The following PNPLA7 variants were observed in gnomAD, a reference collection of about 807,000 sequenced individuals.
The protein encoded by PNPLA7 is patatin-like phospholipase domain-containing protein 7.
In PNPLA7, 153 loss-of-function variants were observed where a neutral mutation model predicts 161.7. The ratio of observed to expected loss-of-function variants is 0.95; its 90% CI spans 0.83 to 1.08. The LOEUF (loss-of-function observed/expected upper bound fraction) is 1.08, where lower values mean the gene tolerates loss of function less well. Among genes scored for constraint, PNPLA7 ranks in the 50% least tolerant of loss-of-function variants. PNPLA7 has a pLI of 0.00. For synonymous variants in PNPLA7, 809 were observed against 782.1 expected (o/e 1.03, Z -0.57); for missense variants, 1,739 against 1,856.6 (o/e 0.94, Z 1.16).
chr9:137,544,228 C>G (rs972552997), intron 4 of PNPLA7, among the ~76,000 whole-genome samples: 4 of 152,268 alleles, frequency 2.6e-5, no homozygotes, highest in African/African-American at 9.6e-5. Context: ...ACTGCCCACT[C>G]TGTCCCATAT....
chr9:137,500,649 G>C lies in PNPLA7; in HGVS notation c.1757+42C>G, dbSNP rs773957091. The C allele has an allele frequency of 6.3e-7, 1 of 1,584,954 alleles. No homozygotes were observed. Among genetic ancestry groups the C allele is most frequent in the East Asian group, 2.3e-5 (1 of 44,398 alleles). ...CGCGGGGAGGGGTCTCAGGGCAGGG[G>C]GGGCTGGGGCCCGCCCTGAGGTCCT... is the stretch of plus-strand genomic sequence containing the variant. On this transcript the variant is annotated intron_variant, in intron 16 of 34. Coordinates refer to ENST00000406427, the MANE Select transcript of PNPLA7 (RefSeq NM_001098537.3). The surrounding 1 kb of genome is among the most constrained non-coding windows in gnomAD (Gnocchi z 5.5).
chr9:137,527,792 C>T (rs1168964466), intron 8 of PNPLA7, among the ~76,000 whole-genome samples: 1 of 152,208 alleles, frequency 6.6e-6, no homozygotes, highest in Non-Finnish European at 1.5e-5. Context: ...CCCTCTTCTA[C>T]TTTTCCGGAG....
In PNPLA7 at chr9:137,499,018, G is replaced by A. The variant is rs1056961885; in HGVS notation, c.1758-773C>T. 3.3e-5 allele frequency among the ~76,000 whole-genome samples: 5 copies of A among 152,130 alleles called. No individual in the cohort carries two copies. The highest frequency in any genetic ancestry group is 1.5e-5 in the Non-Finnish European group (1 of 68,004). On this transcript the variant is annotated intron_variant, in intron 16 of 34. Coordinates refer to ENST00000406427, the MANE Select transcript of PNPLA7 (RefSeq NM_001098537.3). The surrounding 1 kb of genome is among the most constrained non-coding windows in gnomAD (Gnocchi z 5.5). ...ACAGTGGCTGGGTGAGGGCGTGAAG[G>A]GCGTGAGCGTGGCACTTAGAGCCCT...
In PNPLA7 at chr9:137,467,439, C is replaced by T. The variant is rs1429822651; in HGVS notation, c.2917G>A (p.Ala973Thr). ...CAQVGVLKAL[A>T]ECGIPVDMVG... is the part of the protein sequence containing the mutation. ...ATGTCCACAGGGATGCCGCACTCCGCCAAGGCCTTGAGAACGCCCACCTGG... is the reference window on the plus strand; with the variant it reads ...ATGTCCACAGGGATGCCGCACTCCGTCAAGGCCTTGAGAACGCCCACCTGG... Residue 973 changes from alanine (A) to threonine (T), a missense_variant, in exon 26 of 35, where the codon GCG (alanine) becomes ACG (threonine). By Grantham distance (58) the Ala-to-Thr change is moderately conservative. Coordinates refer to ENST00000406427, the MANE Select transcript of PNPLA7 (RefSeq NM_001098537.3). This position sits in a 1 kb window ranked among gnomAD's most constrained non-coding sequence, Gnocchi z 5.1. The T allele has an allele frequency of 1.2e-6, 2 of 1,613,266 alleles. No individual in the cohort carries two copies. Among genetic ancestry groups the T allele is most frequent in the South Asian group, 1.1e-5 (1 of 91,086 alleles).
chr9:137,520,022 C>A lies in PNPLA7; in HGVS notation c.979G>T (p.Val327Leu), dbSNP rs202132890. ...FNAESQAIPL[V>L]SVASVAAGKA... ...CCGGCAGCCACACTGGCTACAGACA[C>A]GAGAGGGATGGCCTGGCTCTCCTGG... The change falls in exon 11 of 35, where the codon GTG (valine) becomes TTG (leucine). Residue 327 changes from valine to leucine, a missense_variant. Transcript: ENST00000406427. This position sits in a 1 kb window ranked among gnomAD's most constrained non-coding sequence, Gnocchi z 5.2. 1 of 1,612,618 alleles carries A rather than the reference C, an allele frequency of 6.2e-7. No individual in the cohort carries two copies. The highest frequency in any genetic ancestry group is 2.2e-5 in the East Asian group (1 of 44,886).
chr9:137,503,777 A>AAT (rs1833671648), intron 14 of PNPLA7, among the ~76,000 whole-genome samples: 2 of 2,194 alleles, frequency 9.1e-4, no homozygotes, highest in African/African-American at 4.9e-3. Flanking sequence ...AAGAAGAAAA[A>AAT]AGAAAGAAGA....
At chr9:137,508,593 A>C (rs1434426916) in intron 12 of PNPLA7, among the ~76,000 whole-genome samples, 1 of 152,166 alleles carries the variant, frequency 6.6e-6, no homozygotes, top group Non-Finnish European at 1.5e-5. Flanking sequence ...GGAAAAAGAA[A>C]AAAGAAAAGG....
At chr9:137,479,834 G>A (rs770521932) in intron 23 of PNPLA7, 26 of 985,324 alleles carry the variant, frequency 2.6e-5, no homozygotes, top group South Asian at 1.4e-4. Flanking sequence ...TGGGGCCAGC[G>A]TCCCGAAGGT....
In PNPLA7 at chr9:137,543,869, G is replaced by A; in HGVS notation, c.274-54C>T. ...TGACCCTGCAAGCCGCAAGGTCCAAGCTCTTTGCCATGGGGATCAGTCCTC... is the reference window on the plus strand; with the variant it reads ...TGACCCTGCAAGCCGCAAGGTCCAAACTCTTTGCCATGGGGATCAGTCCTC... On this transcript the variant is annotated intron_variant, in intron 4 of 34. Transcript: ENST00000406427. The surrounding 1 kb of genome is among the most constrained non-coding windows in gnomAD (Gnocchi z 6.9). The A allele has an allele frequency of 6.7e-7, 1 of 1,484,958 alleles. No homozygotes were observed. The highest frequency in any genetic ancestry group is 9.4e-7 in the Non-Finnish European group (1 of 1,063,486). The allele number at this position is 1,484,958 out of a possible 1,614,324, so 92.0% of individuals were successfully genotyped here. A position where few individuals can be genotyped will look rare whatever the true frequency, so the allele number is the denominator to read the frequency against.
intron 8 of PNPLA7, among the ~76,000 whole-genome samples, chr9:137,533,745 C>T (rs1835721103): frequency 6.6e-6 from 1 of 150,920 alleles, no homozygotes; most frequent in Non-Finnish European, 1.5e-5. Context: ...GGCAGGAGGG[C>T]TCCCAGAATC....
chr9:137,460,584 C>A, intron 34 of PNPLA7, 50 bp downstream of exon 34: 1 of 1,597,432 alleles, frequency 6.3e-7, no homozygotes. Flanking sequence ...CAGGGCCAGG[C>A]ACCAAGGCTC....
Position 137,464,226 on chromosome 9 carries a change from C to T in PNPLA7, c.3157-31G>A, listed in dbSNP as rs547691056. 7 of 1,611,894 alleles carry T rather than the reference C, an allele frequency of 4.3e-6. No individual in the cohort carries two copies. The South Asian group carries it at 6.6e-5, about 15-fold the overall frequency. On this transcript the variant is annotated intron_variant, in intron 27 of 34. Coordinates refer to ENST00000406427, the MANE Select transcript of PNPLA7 (RefSeq NM_001098537.3). ...GGCGGACGGGGCTCAGATGGGCCCT[C>T]TCCCATCACGCTCCTGTCCTGTGTC...
intron 14 of PNPLA7, among the ~76,000 whole-genome samples, chr9:137,502,037 A>G (rs1033280419): frequency 1.2e-4 from 18 of 152,234 alleles, no homozygotes; most frequent in African/African-American, 4.3e-4. Flanking sequence ...TTAGGGAGAA[A>G]GGGTGATTTC....
chr9:137,546,780 G>C (rs141053662), intron 4 of PNPLA7, 50 bp downstream of exon 4: 1 of 1,570,120 alleles, frequency 6.4e-7, no homozygotes, highest in South Asian at 1.1e-5. Flanking sequence ...CTCCCACAGG[G>C]GCCTGCTCGA....
chr9:137,464,358 G>A lies in PNPLA7; in HGVS notation c.3138C>T (p.Phe1046=). The change falls in exon 27 of 35, where the codon TTC becomes TTT. Residue 1046 remains phenylalanine (F), a synonymous_variant. Coordinates refer to ENST00000406427, the MANE Select transcript of PNPLA7 (RefSeq NM_001098537.3). ...GGTGCACCTCGATCTGCTGGTCCTT[G>A]AAGACGCTGAAGATGCTGCTGTTGA... ...AGFNSSIFSV[F]KDQQIEDLWI... is the part of the protein sequence containing the mutation. The A allele has an allele frequency of 1.2e-6, 2 of 1,613,846 alleles. No homozygotes were observed. The highest frequency in any genetic ancestry group is 1.1e-5 in the South Asian group (1 of 91,080).
At position 137,547,496 on chromosome 9, in the gene PNPLA7, C is replaced by G; in HGVS notation, c.105+89G>C. 2 of 1,592,750 alleles carry G rather than the reference C, an allele frequency of 1.3e-6. No homozygotes were observed. Reference sequence around the variant, plus strand: ...CCTGGCTGCCCAACCACAGGCTGGGCAGGAATGAGCCAGGGGATGGGGACA... The same window carrying G: ...CCTGGCTGCCCAACCACAGGCTGGGGAGGAATGAGCCAGGGGATGGGGACA... On this transcript the variant is annotated intron_variant, in intron 2 of 34. Transcript: ENST00000406427. This position sits in a 1 kb window ranked among gnomAD's most constrained non-coding sequence, Gnocchi z 4.6.
chr9:137,521,514 A>T, intron 10 of PNPLA7, 122 bp downstream of exon 10: 1 of 889,192 alleles, frequency 1.1e-6, no homozygotes, highest in Non-Finnish European at 1.7e-6. Context: ...GCAACTGGGA[A>T]GACCACAGCT....
Position 137,463,399 on chromosome 9 carries a change from C to A in PNPLA7, c.3343+16G>T. On this transcript the variant is annotated intron_variant, in intron 29 of 34. Transcript: ENST00000406427. ...AGCCTGTGCTCCTGCCGGGCGTGGTCCCCCCACCGCAGTACCTGGGAGGTT... is the reference window on the plus strand; with the variant it reads ...AGCCTGTGCTCCTGCCGGGCGTGGTACCCCCACCGCAGTACCTGGGAGGTT... 1 of 1,588,222 alleles carries A rather than the reference C, an allele frequency of 6.3e-7. No homozygotes were observed. The highest frequency in any genetic ancestry group is 2.3e-5 in the East Asian group (1 of 43,894).
At chr9:137,510,617 C>T (rs997037322) in intron 12 of PNPLA7, among the ~76,000 whole-genome samples, 7 of 152,200 alleles carry the variant, frequency 4.6e-5, no homozygotes, top group Admixed American at 1.3e-4. Flanking sequence ...GCCAGACATT[C>T]GGGGCCACTA....
Sources: allele counts gnomAD v4.1 joint callset (sites outside exome capture counted in the v4.1 genomes callset), GRCh38; gene constraint gnomAD v4.1.1; non-coding constraint Gnocchi (gnomAD v3.1); transcripts MANE v1.5; gene names NCBI Gene and HGNC (gene_info 2026-07-23, HGNC 2026-07-21).